Variants in CTNND2 observed in about 807,000 individuals in gnomAD.
CTNND2 encodes catenin delta-2.
CTNND2 carries 22 observed loss-of-function variants against 144.4 expected under a neutral mutation model. That is an observed-to-expected ratio of 0.15 (90% CI 0.11 to 0.22). The LOEUF (loss-of-function observed/expected upper bound fraction) is 0.22. Ranked by LOEUF, CTNND2 falls within the 10% of genes least tolerant of loss-of-function variation. The probability of loss-of-function intolerance (pLI) is 1.00; values close to 1 mark genes in which losing one functional copy is unlikely to be tolerated. For missense variants in CTNND2, 1,353 were observed against 1,618.8 expected, an observed-to-expected ratio of 0.84 and a Z score of 2.82; for synonymous variants, 751 against 695.6, an observed-to-expected ratio of 1.08 and a Z score of -1.25.
chr5:11,308,811 G>C (rs1750512826), intron 9 of CTNND2, among the ~76,000 whole-genome samples: 2 of 152,238 alleles, frequency 1.3e-5, no homozygotes, highest in Middle Eastern at 3.4e-3. Context: ...AGAACTACCT[G>C]AGACTGGGTA....
chr5:11,200,377 G>A (rs763527975), intron 10 of CTNND2, among the ~76,000 whole-genome samples: 15 of 152,138 alleles, frequency 9.9e-5, no homozygotes, highest in Non-Finnish European at 1.9e-4. Flanking sequence ...TCTCCTGGCT[G>A]CCCTTTGATT....
At chr5:11,154,799 C>A (rs1758067824) in intron 12 of CTNND2, among the ~76,000 whole-genome samples, 1 of 152,200 alleles carries the variant, frequency 6.6e-6, no homozygotes, top group Non-Finnish European at 1.5e-5. Context: ...AAATTCCTTC[C>A]CTGCCTCTTC....
chr5:11,890,929 G>A (rs983257042), intron 1 of CTNND2, among the ~76,000 whole-genome samples: 1 of 152,162 alleles, frequency 6.6e-6, no homozygotes, highest in Non-Finnish European at 1.5e-5. Flanking sequence ...CACCACTAGG[G>A]TTATAAGCTA....
At chr5:11,724,267 G>A (rs1786876659) in intron 2 of CTNND2, among the ~76,000 whole-genome samples, 1 of 152,056 alleles carries the variant, frequency 6.6e-6, no homozygotes, top group Admixed American at 6.6e-5. Flanking sequence ...CCAAATCACT[G>A]CAGCATTATT....
chr5:11,767,758 T>A (rs1159883638), intron 1 of CTNND2, among the ~76,000 whole-genome samples: 1 of 152,106 alleles, frequency 6.6e-6, no homozygotes, highest in Non-Finnish European at 1.5e-5. Context: ...GCAGTTGAGG[T>A]AAGCTCTGTA....
chr5:11,027,565 G>A (rs752091499), intron 16 of CTNND2, among the ~76,000 whole-genome samples: 1 of 152,086 alleles, frequency 6.6e-6, no homozygotes, highest in Non-Finnish European at 1.5e-5. Context: ...ATCAATGATG[G>A]ACTAACTGAA....
At chr5:11,699,878 T>G (rs1009070375) in intron 2 of CTNND2, among the ~76,000 whole-genome samples, 1 of 152,206 alleles carries the variant, frequency 6.6e-6, no homozygotes, top group African/African-American at 2.4e-5. Context: ...GTAAATTCAA[T>G]CAAATCCCCA....
intron 9 of CTNND2, among the ~76,000 whole-genome samples, chr5:11,312,457 A>G (rs977383164): frequency 6.6e-6 from 1 of 152,108 alleles, no homozygotes; most frequent in Non-Finnish European, 1.5e-5. Flanking sequence ...AAAATGAAGA[A>G]GCAAAAGCAG....
intron 1 of CTNND2, among the ~76,000 whole-genome samples, chr5:11,804,205 T>A (rs1387681337): frequency 6.6e-6 from 1 of 152,180 alleles, no homozygotes; most frequent in Non-Finnish European, 1.5e-5. Flanking sequence ...CAGTAACAGT[T>A]ACTGTCGAGG....
chr5:11,232,138 T>C (rs923634720), intron 10 of CTNND2, among the ~76,000 whole-genome samples: 1 of 152,178 alleles, frequency 6.6e-6, no homozygotes, highest in African/African-American at 2.4e-5. Flanking sequence ...CAGGCAGAGG[T>C]TTGTTGCAGG....
chr5:11,202,834 C>T (rs1177438707), intron 10 of CTNND2, among the ~76,000 whole-genome samples: 3 of 151,866 alleles, frequency 2.0e-5, no homozygotes, highest in Non-Finnish European at 4.4e-5. Context: ...GATGGAGTTT[C>T]GCTCTGGTTG....
intron 3 of CTNND2, among the ~76,000 whole-genome samples, chr5:11,438,286 CAT>C (rs1240922546): frequency 2.6e-5 from 4 of 152,206 alleles, no homozygotes; most frequent in Admixed American, 2.0e-4. Flanking sequence ...TCAACAAATA[CAT>C]ATGTATTCAT....
At chr5:11,846,972 C>A (rs1794766131) in intron 1 of CTNND2, among the ~76,000 whole-genome samples, 1 of 151,318 alleles carries the variant, frequency 6.6e-6, no homozygotes, top group Non-Finnish European at 1.5e-5. Flanking sequence ...AGAAAGCAAA[C>A]TCAGTACATT....
At chr5:11,588,689 G>A (rs1329359738) in intron 2 of CTNND2, 1 of 843,220 alleles carries the variant, frequency 1.2e-6, no homozygotes, top group Non-Finnish European at 1.4e-6. Context: ...CATAATGAAA[G>A]CATTGAAAAA....
chr5:11,513,998 G>C (rs770092162), intron 3 of CTNND2, among the ~76,000 whole-genome samples: 2 of 152,064 alleles, frequency 1.3e-5, no homozygotes, highest in African/African-American at 2.4e-5. Flanking sequence ...GGGCAACATA[G>C]GGAGACTTCG....
intron 1 of CTNND2, among the ~76,000 whole-genome samples, chr5:11,793,035 C>G (rs549812120): frequency 1.3e-5 from 2 of 152,306 alleles, no homozygotes; most frequent in African/African-American, 4.8e-5. Flanking sequence ...GCTAAAAATT[C>G]TAATGCAATC....
At chr5:11,476,123 G>A (rs530091954) in intron 3 of CTNND2, among the ~76,000 whole-genome samples, 15 of 151,002 alleles carry the variant, frequency 9.9e-5, no homozygotes, top group East Asian at 3.9e-4. Context: ...CGCCCACCTC[G>A]GCATCCCAAA....
At chr5:11,806,216 GTAATGTA>G in intron 1 of CTNND2, among the ~76,000 whole-genome samples, 1 of 152,108 alleles carries the variant, frequency 6.6e-6, no homozygotes, top group Non-Finnish European at 1.5e-5. Flanking sequence ...ATGTGACATA[GTAATGTA>G]AGATGTTCAA....
chr5:11,494,733 A>G (rs1022907017), intron 3 of CTNND2, among the ~76,000 whole-genome samples: 1 of 152,202 alleles, frequency 6.6e-6, no homozygotes, highest in East Asian at 1.9e-4. Flanking sequence ...AAATGTTAGT[A>G]TGGCAGTAGA....
Sources: allele counts gnomAD v4.1 joint callset (sites outside exome capture counted in the v4.1 genomes callset), GRCh38; gene constraint gnomAD v4.1.1; transcripts MANE v1.5; gene names NCBI Gene and HGNC (gene_info 2026-07-23, HGNC 2026-07-21).